NUP93: variants seen among roughly 807,000 people sequenced by gnomAD.
NUP93 encodes nuclear pore complex protein Nup93.
Under a neutral mutation model 107.8 loss-of-function variants are expected in NUP93, and 55 were observed. That is an observed-to-expected ratio of 0.51 (90% CI 0.41 to 0.64). NUP93 has a LOEUF of 0.64. Among genes scored for constraint, NUP93 ranks in the 30% least tolerant of loss-of-function variants. NUP93 has a pLI of 0.00. For synonymous variants in NUP93, 390 were observed against 397.5 expected, an observed-to-expected ratio of 0.98 and a Z score of 0.22; for missense variants, 937 against 1,044.7, an observed-to-expected ratio of 0.90 and a Z score of 1.42.
chr16:56,731,367 T>C (rs1961532079), intron 1 of NUP93, among the ~76,000 whole-genome samples: 1 of 152,070 alleles, frequency 6.6e-6, no homozygotes, highest in African/African-American at 2.4e-5. Context: ...TTTTGAGCCA[T>C]CGTTGACTGC....
At chr16:56,752,293 AT>A (rs1961936674) in intron 2 of NUP93, among the ~76,000 whole-genome samples, 1 of 152,214 alleles carries the variant, frequency 6.6e-6, no homozygotes, top group African/African-American at 2.4e-5. Flanking sequence ...GCACAGGGAT[AT>A]TCATTACAGC....
At chr16:56,808,442 G>A (rs751698686) in intron 5 of NUP93, among the ~76,000 whole-genome samples, 11 of 30,082 alleles carry the variant, frequency 3.7e-4, no homozygotes, top group Admixed American at 1.2e-3. Flanking sequence ...ATATAGTTAT[G>A]TAACTATATA....
intron 5 of NUP93, among the ~76,000 whole-genome samples, chr16:56,813,738 T>C: frequency 6.6e-6 from 1 of 152,266 alleles, no homozygotes. Flanking sequence ...TATCATTTTA[T>C]ATATTAGTTC....
rs774171293 is a variant in NUP93, at chr16:56,834,766, C to T, written c.1770C>T (p.Asp590=). 29 of 1,611,230 alleles carry T rather than the reference C, an allele frequency of 1.8e-5. No homozygotes were observed. Among genetic ancestry groups the T allele is most frequent in the Middle Eastern group, 1.6e-4 (1 of 6,072 alleles). The change falls in exon 16 of 22, where the codon GAC becomes GAT. Residue 590 remains aspartate, a synonymous_variant. Coordinates refer to ENST00000308159, the MANE Select transcript of NUP93 (RefSeq NM_014669.5). ...TGATTCTTGGGAAACTAGAGAATGA[C>T]GGAAGTAGAAAGGTGAGTTAAATGC... ...FDMILGKLEN[D]GSRKPGVIDK...
chr16:56,818,863 CT>C, intron 6 of NUP93, 125 bp downstream of exon 6: 3 of 732,670 alleles, frequency 4.1e-6, no homozygotes, highest in Non-Finnish European at 6.9e-6. Context: ...ATTTAGAGAA[CT>C]AGTTAATATT....
chr16:56,808,928 C>T (rs1241477449), intron 5 of NUP93, among the ~76,000 whole-genome samples: 1 of 151,310 alleles, frequency 6.6e-6, no homozygotes, highest in Non-Finnish European at 1.5e-5. Context: ...CTCCCTTTGT[C>T]TTCCCCATAG....
intron 3 of NUP93, among the ~76,000 whole-genome samples, chr16:56,793,044 G>T (rs1166138260): frequency 6.6e-6 from 1 of 152,108 alleles, no homozygotes; most frequent in Non-Finnish European, 1.5e-5. Context: ...GATTATGTCT[G>T]TTCTTTCATA....
chr16:56,767,868 A>G (rs2144497246), intron 3 of NUP93, among the ~76,000 whole-genome samples: 1 of 152,348 alleles, frequency 6.6e-6, no homozygotes, highest in East Asian at 1.9e-4. Context: ...TTAGCATTGA[A>G]TGAATATAGT....
At chr16:56,768,096 T>C (rs1962246754) in intron 3 of NUP93, among the ~76,000 whole-genome samples, 1 of 152,230 alleles carries the variant, frequency 6.6e-6, no homozygotes, top group African/African-American at 2.4e-5. Flanking sequence ...AAATCCTTAT[T>C]GTCAGTCTTT....
At chr16:56,794,800 C>T (rs962982579) in intron 3 of NUP93, among the ~76,000 whole-genome samples, 4 of 151,510 alleles carry the variant, frequency 2.6e-5, no homozygotes, top group South Asian at 4.2e-4. Flanking sequence ...TGGTTGCAGG[C>T]GCCTGTAGTC....
intron 4 of NUP93, among the ~76,000 whole-genome samples, chr16:56,805,031 G>A (rs2144571921): frequency 6.6e-6 from 1 of 152,136 alleles, no homozygotes; most frequent in African/African-American, 2.4e-5. Context: ...TTGGAGATAA[G>A]GTCTTGCTCT....
At chr16:56,748,050 C>T (rs1265173213) in intron 1 of NUP93, 184 bp from the exon 2 acceptor site, 1 of 438,180 alleles carries the variant, frequency 2.3e-6, no homozygotes, top group Non-Finnish European at 4.1e-6. Flanking sequence ...CACAGCCTGA[C>T]TCATTTTCTC....
At chr16:56,841,048 T>C (rs1042471692) in intron 20 of NUP93, among the ~76,000 whole-genome samples, 7 of 152,146 alleles carry the variant, frequency 4.6e-5, no homozygotes, top group African/African-American at 1.7e-4. Flanking sequence ...AGGCCAGTTC[T>C]GCACATGAAG....
chr16:56,820,283 C>T (rs1046794160), intron 6 of NUP93, among the ~76,000 whole-genome samples: 6 of 152,228 alleles, frequency 3.9e-5, no homozygotes, highest in Admixed American at 1.3e-4. Context: ...ATAAGTACTA[C>T]GTCATGGTTT....
rs111243328 is a variant in NUP93, at chr16:56,835,704, G to A, written c.1783-897G>A. Among the ~76,000 whole-genome samples, 622 of 152,326 alleles carry A rather than the reference G, an allele frequency of 4.1e-3. 5 individuals are homozygous for A. The highest frequency in any genetic ancestry group is 0.014 in the African/African-American group (599 of 41,566). On this transcript the variant is annotated intron_variant, in intron 16 of 21. Coordinates refer to ENST00000308159, the MANE Select transcript of NUP93 (RefSeq NM_014669.5). ...CTAGCCCTGAGAGTCCAGCGCTAGT[G>A]GAGAAGCAGAATGGCCAGGCAGAGA... is the stretch of plus-strand genomic sequence containing the variant.
At chr16:56,730,402 C>A (rs1415724747) in intron 1 of NUP93, among the ~76,000 whole-genome samples, 191 bp downstream of exon 1, 1 of 152,150 alleles carries the variant, frequency 6.6e-6, no homozygotes, top group Non-Finnish European at 1.5e-5. Flanking sequence ...GGCTTGGAGT[C>A]GGGCTGCATC....
chr16:56,771,560 TGG>T (rs1268584574), intron 3 of NUP93, among the ~76,000 whole-genome samples: 4 of 152,216 alleles, frequency 2.6e-5, no homozygotes, highest in Non-Finnish European at 5.9e-5. Context: ...CTGTTTTCTA[TGG>T]GATGACATTT....
At position 56,745,016 on chromosome 16, in the gene NUP93, TG is replaced by T. The variant is rs200275374; in HGVS notation, c.-14-3215del. 9.2e-4 allele frequency among the ~76,000 whole-genome samples: 140 copies of T among 152,286 alleles called. No individual in the cohort carries two copies. In the East Asian group the frequency reaches 0.023, roughly 25 times the overall value. ...TGTGCCAGGCACTGTTGTAGAAGCT[TG>T]GGTACGTCAGTGAACAAAACACTGT... On this transcript the variant is annotated intron_variant, in intron 1 of 21. Transcript: ENST00000308159.
rs71152206 is a variant in NUP93 at position 56,839,233 on chromosome 16, C to CTT, written c.2136+190_2136+191dup. On this transcript the variant is annotated intron_variant, in intron 19 of 21. Coordinates refer to ENST00000308159, the MANE Select transcript of NUP93 (RefSeq NM_014669.5). ...GACTTAAAAGGAGTTTCCTGTGTGG[C>CTT]TTTTTTTTTTTTTTTTTTTTTTTTT... 8.7e-3 allele frequency: 458 copies of CTT among 52,866 alleles called. 79 individuals carry two copies. The highest frequency in any genetic ancestry group is 0.011 in the Non-Finnish European group (327 of 30,168). 3.3% of individuals were successfully genotyped at this position (52,866 alleles called of 1,614,324 possible).
Sources: allele counts gnomAD v4.1 joint callset (sites outside exome capture counted in the v4.1 genomes callset), GRCh38; gene constraint gnomAD v4.1.1; transcripts MANE v1.5; gene names NCBI Gene and HGNC (gene_info 2026-07-23, HGNC 2026-07-21).